The following SENP1 variants were observed in gnomAD, a reference collection of about 807,000 sequenced individuals.
The protein encoded by SENP1 is SUMO specific peptidase 1, also known as sentrin-specific protease 1.
SENP1 carries 21 observed loss-of-function variants against 93.0 expected under a neutral mutation model. The observed-to-expected ratio is 0.23, with a 90% CI of 0.16 to 0.33. SENP1 has a LOEUF of 0.33. Ranked by LOEUF, SENP1 falls within the 10% of genes least tolerant of loss-of-function variation. The pLI is 1.00. For missense variants in SENP1, 591 were observed against 758.7 expected (o/e 0.78, Z 2.60); for synonymous variants, 256 against 259.6 (o/e 0.99, Z 0.13).
chr12:48,056,430 CATAT>C (rs1403419178), intron 13 of SENP1, among the ~76,000 whole-genome samples: 1 of 103,944 alleles, frequency 9.6e-6, no homozygotes, highest in African/African-American at 4.2e-5. Context: ...GTACATATTA[CATAT>C]ATAATTATTT....
chr12:48,057,010 CATATT>C (rs1942553389), intron 13 of SENP1, among the ~76,000 whole-genome samples: 8 of 42,074 alleles, frequency 1.9e-4, no homozygotes, highest in East Asian at 0.022. Flanking sequence ...TAATATATTA[CATATT>C]ACATATATAA....
chr12:48,076,278 C>T lies in SENP1; in HGVS notation c.553-1485G>A, dbSNP rs557311170. Reference sequence around the variant, plus strand: ...GATATGTGCTGGGACTACAGGCGCCCGCCACCACGCCCAGCTAATTTTTTG... The same window carrying T: ...GATATGTGCTGGGACTACAGGCGCCTGCCACCACGCCCAGCTAATTTTTTG... On this transcript the variant is annotated intron_variant, in intron 6 of 17. Coordinates refer to ENST00000549518, the MANE Select transcript of SENP1 (RefSeq NM_001267594.2). Among the ~76,000 whole-genome samples the T allele has an allele frequency of 7.9e-5, 12 of 152,242 alleles. No individual in the cohort carries two copies. In the South Asian group the frequency reaches 2.3e-3, roughly 29 times the overall value.
intron 4 of SENP1, among the ~76,000 whole-genome samples, chr12:48,095,966 G>T (rs1336366078): frequency 6.6e-6 from 1 of 152,122 alleles, no homozygotes; most frequent in Non-Finnish European, 1.5e-5. Context: ...AGGTTTCATG[G>T]TTTCAAGCAG....
chr12:48,055,487 C>G (rs1045786316), intron 13 of SENP1: 18 of 152,126 alleles, frequency 1.2e-4, no homozygotes, highest in African/African-American at 4.3e-4. Context: ...CTCATGAGGG[C>G]CATTGCATGC....
At chr12:48,048,149 C>A in intron 14 of SENP1, 69 bp from the exon 15 acceptor site, 1 of 1,009,484 alleles carries the variant, frequency 9.9e-7, no homozygotes, top group African/African-American at 1.6e-5. Context: ...TTTTCCCTTC[C>A]CTGCCCTTTG....
At chr12:48,065,008 G>A (rs1482192733) in intron 12 of SENP1, 57 bp downstream of exon 12, 6 of 1,258,294 alleles carry the variant, frequency 4.8e-6, no homozygotes, top group Non-Finnish European at 6.9e-6. Context: ...ACTCATCCGA[G>A]GGATTCTTTC....
intron 8 of SENP1, among the ~76,000 whole-genome samples, chr12:48,073,541 A>C (rs1943863714): frequency 1.3e-5 from 2 of 152,196 alleles, no homozygotes; most frequent in African/African-American, 2.4e-5. Context: ...ACCTAAGTAC[A>C]TACCATAAAT....
intron 4 of SENP1, among the ~76,000 whole-genome samples, chr12:48,090,548 G>A (rs779571545): frequency 4.6e-5 from 7 of 152,202 alleles, no homozygotes; most frequent in Non-Finnish European, 1.0e-4. Flanking sequence ...TATTGCTGAT[G>A]GGATCAAACA....
In SENP1 at chr12:48,097,405, C is replaced by T. The variant is rs557488028; in HGVS notation, c.135+589G>A. The stretch of plus-strand genomic sequence containing the variant: ...CTACTATAATTAGGAAAGATTCACA[C>T]ATCAAAGAATGATCTCATCCAAATT... On this transcript the variant is annotated intron_variant, in intron 3 of 17. Transcript: ENST00000549518. Among the ~76,000 whole-genome samples, 16 of 152,320 alleles carry T rather than the reference C, an allele frequency of 1.1e-4. No individual in the cohort carries two copies. In the South Asian group the frequency reaches 1.7e-3, roughly 16 times the overall value.
At position 48,045,294 on chromosome 12, in the gene SENP1, G is replaced by T. The variant is rs768188071; in HGVS notation, c.*28C>A. On this transcript the variant is annotated 3_prime_UTR_variant, in exon 18 of 18. Transcript: ENST00000549518. ...ACAACAAAGAGCTGGTCCCCCACAT[G>T]GTCAAGGTCTGCTAAGTGAGACAGT... 6 of 1,598,836 alleles carry T rather than the reference G, an allele frequency of 3.8e-6. 1 individual carries two copies. The South Asian group carries it at 6.6e-5, about 18-fold the overall frequency.
At chr12:48,065,761 T>C in intron 10 of SENP1, 81 bp from the exon 11 acceptor site, 2 of 826,756 alleles carry the variant, frequency 2.4e-6, no homozygotes, top group South Asian at 1.6e-5. Flanking sequence ...GAATATTAAA[T>C]ACAGGACCCT....
intron 4 of SENP1, among the ~76,000 whole-genome samples, chr12:48,091,506 C>A (rs755024757): frequency 6.6e-6 from 1 of 151,678 alleles, no homozygotes; most frequent in African/African-American, 2.4e-5. Flanking sequence ...TAAGTACTAC[C>A]AGTTGTTCCT....
intron 2 of SENP1, among the ~76,000 whole-genome samples, chr12:48,099,319 C>T (rs1164817013): frequency 6.6e-6 from 1 of 151,948 alleles, no homozygotes; most frequent in East Asian, 1.9e-4. Flanking sequence ...CAGAGTGAGA[C>T]CCTGTCTCAG....
At chr12:48,096,291 T>C in intron 4 of SENP1, 52 bp downstream of exon 4, 1 of 1,000,684 alleles carries the variant, frequency 1.0e-6, no homozygotes, top group Non-Finnish European at 1.5e-6. Flanking sequence ...CGATATGCTA[T>C]CAAGAAATCC....
chr12:48,085,076 G>C, intron 5 of SENP1: 1 of 1,327,316 alleles, frequency 7.5e-7, no homozygotes, highest in South Asian at 1.3e-5. Context: ...CGGGGAGAAG[G>C]AAGCTCATCG....
At chr12:48,055,887 C>A (rs1942221076) in intron 13 of SENP1, among the ~76,000 whole-genome samples, 1 of 133,116 alleles carries the variant, frequency 7.5e-6, no homozygotes, top group African/African-American at 2.8e-5. Flanking sequence ...ACATATTATG[C>A]AATATATAAA....
chr12:48,086,563 A>G (rs932942898), intron 5 of SENP1, among the ~76,000 whole-genome samples: 1 of 152,184 alleles, frequency 6.6e-6, no homozygotes, highest in African/African-American at 2.4e-5. Context: ...TAATAGGAGA[A>G]CCAAAACAAG....
chr12:48,079,882 G>A (rs918821005), intron 6 of SENP1, among the ~76,000 whole-genome samples: 7 of 152,040 alleles, frequency 4.6e-5, no homozygotes, highest in Non-Finnish European at 8.8e-5. Flanking sequence ...AATATGCAAA[G>A]TGCAAATTTC....
chr12:48,046,177 A>G (rs1024050493), intron 17 of SENP1, among the ~76,000 whole-genome samples, 179 bp downstream of exon 17: 5 of 152,136 alleles, frequency 3.3e-5, no homozygotes, highest in African/African-American at 1.2e-4. Context: ...GCTTATCACT[A>G]ATTTTCTTTC....
Sources: allele counts gnomAD v4.1 joint callset (sites outside exome capture counted in the v4.1 genomes callset), GRCh38; gene constraint gnomAD v4.1.1; transcripts MANE v1.5; gene names NCBI Gene and HGNC (gene_info 2026-07-23, HGNC 2026-07-21).